The following OR2V2 variants were observed in gnomAD, a reference collection of about 807,000 sequenced individuals.
OR2V2 encodes olfactory receptor family 2 subfamily V member 2.
For missense variants in OR2V2, 392 were observed against 392.2 expected (o/e 1.00, Z 0.00); for synonymous variants, 161 against 151.3 (o/e 1.06, Z -0.47).
In OR2V2 at chr5:181,155,942, G is replaced by T. The variant is rs149840180; in HGVS notation, c.*52G>T. On this transcript the variant is annotated 3_prime_UTR_variant, in exon 2 of 2. Coordinates refer to ENST00000641492, the MANE Select transcript of OR2V2 (RefSeq NM_206880.2). ...GCCATCTCTTAGCTCCAGGGATGTCGGGTTAATAATTCTCTCATTTTCAGT... is the reference window on the plus strand; with the variant it reads ...GCCATCTCTTAGCTCCAGGGATGTCTGGTTAATAATTCTCTCATTTTCAGT... 1 of 1,489,940 alleles carries T rather than the reference G, an allele frequency of 6.7e-7. No homozygotes were observed. The highest frequency in any genetic ancestry group is 9.1e-7 in the Non-Finnish European group (1 of 1,097,540). The allele number at this position is 1,489,940 out of a possible 1,614,324, so 92.3% of individuals were successfully genotyped here.
At position 181,158,336 on chromosome 5, in the gene OR2V2, T is replaced by TGGGG. The variant is rs11325218; in HGVS notation, c.*2453_*2456dup. The stretch of plus-strand genomic sequence containing the variant: ...AAATAATATAGAGAGGAAATACATG[T>TGGGG]GGGGGGGGGGCAGGTGCGGTGGCTC... On this transcript the variant is annotated 3_prime_UTR_variant, in exon 2 of 2. Coordinates refer to ENST00000641492, the MANE Select transcript of OR2V2 (RefSeq NM_206880.2). The TGGGG allele has an allele frequency of 7.3e-4, 107 of 146,110 alleles. 1 individual carries two copies. Among genetic ancestry groups the TGGGG allele is most frequent in the African/African-American group, 2.6e-3 (102 of 39,086 alleles). The allele number at this position is 146,110 out of a possible 1,614,324, so 9.1% of individuals were successfully genotyped here. A position where few individuals can be genotyped will look rare whatever the true frequency, so the allele number is the denominator to read the frequency against.
intron 1 of OR2V2, among the ~76,000 whole-genome samples, chr5:181,154,638 G>A (rs1183656110): frequency 6.7e-6 from 1 of 150,320 alleles, no homozygotes; most frequent in Non-Finnish European, 1.5e-5. Flanking sequence ...CCAAGACTTT[G>A]CCTGCTGAAG....
chr5:181,153,160 G>A (rs1763213050), intron 1 of OR2V2, among the ~76,000 whole-genome samples: 1 of 152,228 alleles, frequency 6.6e-6, no homozygotes, highest in Non-Finnish European at 1.5e-5. Flanking sequence ...CGAAGACAAG[G>A]CTCAGCCGGG....
intron 1 of OR2V2, among the ~76,000 whole-genome samples, chr5:181,152,735 C>T (rs1763207766): frequency 6.6e-6 from 1 of 152,204 alleles, no homozygotes; most frequent in Admixed American, 6.5e-5. Context: ...GGGCGATTTC[C>T]TTCCACTCTC....
intron 1 of OR2V2, among the ~76,000 whole-genome samples, chr5:181,152,586 C>G (rs931972026): frequency 6.6e-6 from 1 of 152,230 alleles, no homozygotes; most frequent in Non-Finnish European, 1.5e-5. Context: ...AGAGGAAAAT[C>G]AGCATTGCAT....
Position 181,155,626 on chromosome 5 carries a change from A to C in OR2V2, c.684A>C (p.Gln228His), listed in dbSNP as rs747655556. ...CTCACATTCTAGGGACTGTGCTGCAAATGCACTCTGCTCAGGCCTGGAAAA... is the reference window on the plus strand; with the variant it reads ...CTCACATTCTAGGGACTGTGCTGCACATGCACTCTGCTCAGGCCTGGAAAA... ...SYAHILGTVLQMHSAQAWKKA... is the reference protein window; with the variant it reads ...SYAHILGTVLHMHSAQAWKKA... Residue 228 changes from glutamine to histidine, a missense_variant, in exon 2 of 2, where the codon CAA (glutamine) becomes CAC (histidine). Gln to His is a conservative substitution (Grantham distance 24). Coordinates refer to ENST00000641492, the MANE Select transcript of OR2V2 (RefSeq NM_206880.2). The C allele has an allele frequency of 6.2e-7, 1 of 1,614,168 alleles. No individual in the cohort carries two copies. The highest frequency in any genetic ancestry group is 1.1e-5 in the South Asian group (1 of 91,086).
At chr5:181,150,247 G>A (rs1763176805) in intron 1 of OR2V2, among the ~76,000 whole-genome samples, 1 of 152,236 alleles carries the variant, frequency 6.6e-6, no homozygotes, top group South Asian at 2.1e-4. Context: ...CTCTGCACCT[G>A]GGCAGGCGCA....
chr5:181,148,028 C>T, intron 1 of OR2V2, 33 bp downstream of exon 1: 1 of 399,012 alleles, frequency 2.5e-6, no homozygotes, highest in Non-Finnish European at 4.4e-6. Context: ...CGTCCCCTCT[C>T]TCTTCCCTGC....
rs9763305 is a variant in OR2V2, at chr5:181,156,114, T to C, written c.*224T>C. 4 of 407,826 alleles carry C rather than the reference T, an allele frequency of 9.8e-6. No individual in the cohort carries two copies. The highest frequency in any genetic ancestry group is 1.6e-5 in the Non-Finnish European group (4 of 242,528). The allele number at this position is 407,826 out of a possible 1,614,324, so 25.3% of individuals were successfully genotyped here. On this transcript the variant is annotated 3_prime_UTR_variant, in exon 2 of 2. Transcript: ENST00000641492. ...TCTTTCTTTCTCTTCCTCTTTCTCTTTCTTTCTTTTTCTTTCAGTTCTTAC... is the reference window on the plus strand; with the variant it reads ...TCTTTCTTTCTCTTCCTCTTTCTCTCTCTTTCTTTTTCTTTCAGTTCTTAC...
intron 1 of OR2V2, among the ~76,000 whole-genome samples, chr5:181,148,904 T>G (rs1047437834): frequency 2.0e-5 from 3 of 152,132 alleles, no homozygotes; most frequent in Admixed American, 2.0e-4. Context: ...CCGAGGCCCT[T>G]GGATTGGCCT....
intron 1 of OR2V2, among the ~76,000 whole-genome samples, chr5:181,154,157 A>C (rs763049836): frequency 1.3e-5 from 2 of 152,206 alleles, no homozygotes; most frequent in African/African-American, 2.4e-5. Context: ...CTCTCAGAAC[A>C]TAGAGAGAGA....
intron 1 of OR2V2, among the ~76,000 whole-genome samples, chr5:181,150,843 G>T (rs765892839): frequency 6.6e-6 from 1 of 152,112 alleles, no homozygotes; most frequent in East Asian, 1.9e-4. Flanking sequence ...CGAGCACGAT[G>T]GTGCGCACTT....
rs756927991 is a variant in OR2V2, at chr5:181,154,938, G to C, written c.-5G>C. 8 of 1,605,144 alleles carry C rather than the reference G, an allele frequency of 5.0e-6. No homozygotes were observed. Among genetic ancestry groups the C allele is most frequent in the Non-Finnish European group, 6.0e-6 (7 of 1,172,126 alleles). Reference sequence around the variant, plus strand: ...TCTCAGGTGACCAGGAGCAACAACCGAGCCATGGAGACGTGGGTGAACCAG... The same window carrying C: ...TCTCAGGTGACCAGGAGCAACAACCCAGCCATGGAGACGTGGGTGAACCAG... On this transcript the variant is annotated 5_prime_UTR_variant, in exon 2 of 2. Transcript: ENST00000641492.
intron 1 of OR2V2, 110 bp from the exon 2 acceptor site, chr5:181,154,809 C>T: frequency 1.5e-6 from 1 of 689,038 alleles, no homozygotes; most frequent in Non-Finnish European, 2.6e-6. Flanking sequence ...CCCAAAGCTT[C>T]AGTTGTTGAG....
chr5:181,153,090 G>C (rs902277682), intron 1 of OR2V2, among the ~76,000 whole-genome samples: 2 of 152,202 alleles, frequency 1.3e-5, no homozygotes, highest in African/African-American at 4.8e-5. Flanking sequence ...AAATCGGAAG[G>C]AGGCAAATGA....
At chr5:181,151,480 G>GT (rs1763189938) in intron 1 of OR2V2, among the ~76,000 whole-genome samples, 2 of 152,222 alleles carry the variant, frequency 1.3e-5, no homozygotes, top group Admixed American at 1.3e-4. Flanking sequence ...CACATGCATT[G>GT]TGCCAAAGAG....
At chr5:181,150,487 G>A (rs6886656) in intron 1 of OR2V2, among the ~76,000 whole-genome samples, 6,794 of 152,270 alleles carry the variant, frequency 0.045, 326 homozygotes, top group African/African-American at 0.12. Context: ...TCAGGAGAAA[G>A]CTCCCCTCAG....
chr5:181,154,057 A>G (rs977159935), intron 1 of OR2V2, among the ~76,000 whole-genome samples: 4 of 152,200 alleles, frequency 2.6e-5, no homozygotes, highest in African/African-American at 9.7e-5. Flanking sequence ...GACACCGTCC[A>G]TCGCAACTCT....
At chr5:181,153,120 C>A (rs1016713056) in intron 1 of OR2V2, among the ~76,000 whole-genome samples, 2 of 152,122 alleles carry the variant, frequency 1.3e-5, no homozygotes, top group Non-Finnish European at 2.9e-5. Context: ...CATGAAAAGG[C>A]CTAAGGAAAA....
Sources: gnomAD v4.1 joint callset for allele counts (sites outside exome capture counted in the v4.1 genomes callset) on GRCh38, gnomAD v4.1.1 for gene constraint, MANE v1.5 for transcripts, NCBI Gene and HGNC (gene_info 2026-07-23, HGNC 2026-07-21) for gene names.